Variants in IDH3B observed in about 807,000 individuals in gnomAD.
The protein encoded by IDH3B is isocitrate dehydrogenase (NAD(+)) 3 non-catalytic subunit beta, also known as isocitrate dehydrogenase [NAD] subunit beta, mitochondrial.
In IDH3B, 40 loss-of-function variants were observed where a neutral mutation model predicts 47.5. That is an observed-to-expected ratio of 0.84 (90% CI 0.65 to 1.10). The LOEUF is 1.10. Ranked by LOEUF, IDH3B falls within the 50% of genes least tolerant of loss-of-function variation. The probability of loss-of-function intolerance (pLI) is 0.00; values close to 1 mark genes in which losing one functional copy is unlikely to be tolerated. For missense variants in IDH3B, 450 were observed against 505.2 expected (o/e 0.89, Z 1.05); for synonymous variants, 185 against 191.0 (o/e 0.97, Z 0.26).
chr20:2,659,429 G>C, intron 11 of IDH3B, 96 bp downstream of exon 11: 2 of 1,520,484 alleles, frequency 1.3e-6, no homozygotes, highest in Non-Finnish European at 1.8e-6. Flanking sequence ...TGGGGGGAAA[G>C]GAGACCCCCA....
chr20:2,662,134 C>T (rs1394784625), intron 4 of IDH3B, among the ~76,000 whole-genome samples: 1 of 152,204 alleles, frequency 6.6e-6, no homozygotes, highest in Non-Finnish European at 1.5e-5. Flanking sequence ...GCCTCCAGCA[C>T]TGTGAGAGAA....
intron 11 of IDH3B, 174 bp downstream of exon 11, chr20:2,659,351 G>A: frequency 2.5e-6 from 4 of 1,575,846 alleles, no homozygotes; most frequent in Non-Finnish European, 3.4e-6. Context: ...AAACAGCCAA[G>A]AGAAGGGAGA....
Position 2,658,472 on chromosome 20 carries a change from C to T in IDH3B, c.*279G>A. On this transcript the variant is annotated 3_prime_UTR_variant, in exon 12 of 12. Coordinates refer to ENST00000380843, the MANE Select transcript of IDH3B (RefSeq NM_006899.5). ...GGTGGGGCAAGGCAGCAATGACAGC[C>T]TCAGTGAAGTCATGGCAAGTAGCAT... 6.2e-7 allele frequency: 1 copy of T among 1,614,128 alleles called. No individual in the cohort carries two copies. The highest frequency in any genetic ancestry group is 8.5e-7 in the Non-Finnish European group (1 of 1,180,022).
chr20:2,664,011 A>G lies in IDH3B; in HGVS notation c.37-6T>C. 1 of 1,614,012 alleles carries G rather than the reference A, an allele frequency of 6.2e-7. No homozygotes were observed. Among genetic ancestry groups the G allele is most frequent in the South Asian group, 1.1e-5 (1 of 91,088 alleles). On this transcript the variant is annotated splice_polypyrimidine_tract_variant and splice_region_variant and intron_variant, in intron 1 of 11. Transcript: ENST00000380843. ...TTCCCGGCGGAGACCAGCGCCTGCA[A>G]CAGGGACACACAAGCCTGTAAGGTC...
At chr20:2,658,919 T>G in intron 11 of IDH3B, 82 bp from the exon 12 acceptor site, 2 of 1,596,938 alleles carry the variant, frequency 1.3e-6, no homozygotes, top group South Asian at 2.2e-5. Context: ...ATTGAGGAAA[T>G]GGAAGCCAAG....
In IDH3B at chr20:2,663,670, T is replaced by C; in HGVS notation, c.206A>G (p.Glu69Gly). Residue 69 changes from glutamate (E) to glycine (G), a missense_variant, in exon 3 of 12, where the codon GAG (glutamate) becomes GGG (glycine). Coordinates refer to ENST00000380843, the MANE Select transcript of IDH3B (RefSeq NM_006899.5). ...CCCGAGGCCACTCACCTTGAACACCTCCTTGACGGCGTGCATCAGCTCAGG... is the reference window on the plus strand; with the variant it reads ...CCCGAGGCCACTCACCTTGAACACCCCCTTGACGGCGTGCATCAGCTCAGG... ...VGPELMHAVK[E>G]VFKAAAVPVE... The C allele has an allele frequency of 5.0e-6, 8 of 1,614,068 alleles. No individual in the cohort carries two copies. The highest frequency in any genetic ancestry group is 6.8e-6 in the Non-Finnish European group (8 of 1,180,008).
chr20:2,662,076 C>T (rs1302242940), intron 4 of IDH3B, among the ~76,000 whole-genome samples: 1 of 152,196 alleles, frequency 6.6e-6, no homozygotes, highest in African/African-American at 2.4e-5. Flanking sequence ...CTCCCCTAAA[C>T]CTTCAGAGGG....
rs1216846445 is a variant in IDH3B, at chr20:2,663,439, C to T, written c.337+7G>A. On this transcript the variant is annotated splice_region_variant and intron_variant, in intron 4 of 11. Coordinates refer to ENST00000380843, the MANE Select transcript of IDH3B (RefSeq NM_006899.5). ...CACATGGACAAGTGGCAAGAGGGCA[C>T]ACATACCAATGATGGCCACTTTGTT... 1 of 1,614,180 alleles carries T rather than the reference C, an allele frequency of 6.2e-7. No homozygotes were observed. The highest frequency in any genetic ancestry group is 8.5e-7 in the Non-Finnish European group (1 of 1,180,018).
At position 2,660,934 on chromosome 20, in the gene IDH3B, G is replaced by C; in HGVS notation, c.373C>G (p.Leu125Val). 6.2e-7 allele frequency: 1 copy of C among 1,614,084 alleles called. No homozygotes were observed. Among genetic ancestry groups the C allele is most frequent in the Non-Finnish European group, 8.5e-7 (1 of 1,179,988 alleles). The change falls in exon 5 of 12, where the codon CTA (leucine) becomes GTA (valine). Residue 125 changes from leucine to valine, a missense_variant. Leu to Val is a conservative substitution (Grantham distance 32). Coordinates refer to ENST00000380843, the MANE Select transcript of IDH3B (RefSeq NM_006899.5). The surrounding 1 kb of genome is among the most constrained non-coding windows in gnomAD (Gnocchi z 5.6). ...IHTPMEYKGE[L>V]ASYDMRLRRK... ...CTCAGCCGCATATCATAGGAGGCTA[G>C]CTCCCCCTTATACTCCATCGGGGTA...
At position 2,663,753 on chromosome 20, in the gene IDH3B, C is replaced by G; in HGVS notation, c.123G>C (p.Glu41Asp). The change falls in exon 3 of 12, where the codon GAG (glutamate) becomes GAC (aspartate). Residue 41 changes from glutamate (E) to aspartate (D), a missense_variant. By Grantham distance (45) the Glu-to-Asp change is conservative. Coordinates refer to ENST00000380843, the MANE Select transcript of IDH3B (RefSeq NM_006899.5). ...AAHAASRSQA[E>D]DVRVEGSFPV... is the part of the protein sequence containing the mutation. ...GAAAGGAGCCCTCCACCCTCACGTC[C>G]TCGGCCTCAATTGGGGGAAGAGGGG... 6.2e-7 allele frequency: 1 copy of G among 1,614,140 alleles called. No individual in the cohort carries two copies. Among genetic ancestry groups the G allele is most frequent in the African/African-American group, 1.3e-5 (1 of 75,036 alleles).
At chr20:2,661,082 T>G in intron 4 of IDH3B, 113 bp from the exon 5 acceptor site, 1 of 854,374 alleles carries the variant, frequency 1.2e-6, no homozygotes, top group Non-Finnish European at 2.0e-6. Context: ...CCATCTCCCA[T>G]TCCCACATCA....
At position 2,658,841 on chromosome 20, in the gene IDH3B, C is replaced by G. The variant is rs556473702; in HGVS notation, c.1072-4G>C. ...CGCCCATGTCTCGAGTCCGCACCTACAGCCACCACCGGCAACAGCCGTGGG... is the reference window on the plus strand; with the variant it reads ...CGCCCATGTCTCGAGTCCGCACCTAGAGCCACCACCGGCAACAGCCGTGGG... On this transcript the variant is annotated splice_polypyrimidine_tract_variant and splice_region_variant and intron_variant, in intron 11 of 11. Transcript: ENST00000380843. 6 of 1,613,964 alleles carry G rather than the reference C, an allele frequency of 3.7e-6. No homozygotes were observed. The South Asian group carries it at 4.4e-5, about 12-fold the overall frequency.
rs1427841694 is a variant in IDH3B, at chr20:2,663,955, C to T, written c.87G>A (p.Ser29=). The change falls in exon 2 of 12, where the codon TCG becomes TCA. Residue 29 remains serine, a synonymous_variant. Transcript: ENST00000380843. ...NPGAWRGLST[S]AAAHAASRSQ... ...TCCGCGATGCAGCGTGCGCCGCGGCCGAGGTACTCAGACCTCTCCATGCCC... is the reference window on the plus strand; with the variant it reads ...TCCGCGATGCAGCGTGCGCCGCGGCTGAGGTACTCAGACCTCTCCATGCCC... 8 of 1,613,980 alleles carry T rather than the reference C, an allele frequency of 5.0e-6. No individual in the cohort carries two copies. The highest frequency in any genetic ancestry group is 4.0e-5 in the African/African-American group (3 of 74,908).
At position 2,659,546 on chromosome 20, in the gene IDH3B, C is replaced by T. The variant is rs2086897424; in HGVS notation, c.1050G>A (p.Lys350=). 1 of 1,614,138 alleles carries T rather than the reference C, an allele frequency of 6.2e-7. No individual in the cohort carries two copies. The highest frequency in any genetic ancestry group is 1.7e-5 in the Admixed American group (1 of 60,016). ...TCACCTTGCCAACTTTGATCACCTT[C>T]TTCACCGCATCTGCGATCATGCTGG... ...YHSSMIADAV[K]KVIKVGKVRT... The change falls in exon 11 of 12, where the codon AAG becomes AAA. Residue 350 remains lysine (K), a synonymous_variant. Coordinates refer to ENST00000380843, the MANE Select transcript of IDH3B (RefSeq NM_006899.5).
Position 2,660,008 on chromosome 20 carries a change from C to A in IDH3B, c.915+22G>T. On this transcript the variant is annotated intron_variant, in intron 9 of 11. Coordinates refer to ENST00000380843, the MANE Select transcript of IDH3B (RefSeq NM_006899.5). The surrounding 1 kb of genome is among the most constrained non-coding windows in gnomAD (Gnocchi z 5.6). ...GGCGGACTTGAGGTCAGAGGAAGGGCCGAGGGAGAAAGCAGCCTCACCGTC... is the reference window on the plus strand; with the variant it reads ...GGCGGACTTGAGGTCAGAGGAAGGGACGAGGGAGAAAGCAGCCTCACCGTC... 6.2e-7 allele frequency: 1 copy of A among 1,613,906 alleles called. No homozygotes were observed.
In IDH3B at chr20:2,660,926, G is replaced by A; in HGVS notation, c.381C>T (p.Ser127=). 1 of 1,614,080 alleles carries A rather than the reference G, an allele frequency of 6.2e-7. No homozygotes were observed. Among genetic ancestry groups the A allele is most frequent in the Non-Finnish European group, 8.5e-7 (1 of 1,179,990 alleles). ...CCACCTACCTCAGCCGCATATCATAGGAGGCTAGCTCCCCCTTATACTCCA... is the reference window on the plus strand; with the variant it reads ...CCACCTACCTCAGCCGCATATCATAAGAGGCTAGCTCCCCCTTATACTCCA... The part of the protein sequence containing the change: ...TPMEYKGELA[S]YDMRLRRKLD... Residue 127 remains serine, a synonymous_variant, in exon 5 of 12, where the codon TCC becomes TCT. Coordinates refer to ENST00000380843, the MANE Select transcript of IDH3B (RefSeq NM_006899.5). This position sits in a 1 kb window ranked among gnomAD's most constrained non-coding sequence, Gnocchi z 5.6.
Position 2,660,517 on chromosome 20 carries a change from A to G in IDH3B, c.605T>C (p.Phe202Ser), listed in dbSNP as rs1390023518. ...CCGCCCCTTCTTGGTGGCATAGTCAAAGGCGAACTTTGCAATCCGCTGAGA... is the reference window on the plus strand; with the variant it reads ...CCGCCCCTTCTTGGTGGCATAGTCAGAGGCGAACTTTGCAATCCGCTGAGA... Reference protein sequence around the residue: ...AKSQRIAKFAFDYATKKGRGK... With the variant: ...AKSQRIAKFASDYATKKGRGK... Residue 202 changes from phenylalanine to serine, a missense_variant, in exon 7 of 12, where the codon TTT becomes TCT. Physicochemically the swap from Phe to Ser is radical, Grantham distance 155. Coordinates refer to ENST00000380843, the MANE Select transcript of IDH3B (RefSeq NM_006899.5). This position sits in a 1 kb window ranked among gnomAD's most constrained non-coding sequence, Gnocchi z 5.6. The G allele has an allele frequency of 6.2e-7, 1 of 1,614,146 alleles. No individual in the cohort carries two copies. Among genetic ancestry groups the G allele is most frequent in the Non-Finnish European group, 8.5e-7 (1 of 1,180,020 alleles).
Position 2,663,997 on chromosome 20 carries a change from G to A in IDH3B, c.45C>T (p.Val15=), listed in dbSNP as rs972207839. Residue 15 remains valine (V), a synonymous_variant, in exon 2 of 12, where the codon GTC becomes GTT. Coordinates refer to ENST00000380843, the MANE Select transcript of IDH3B (RefSeq NM_006899.5). ...TCCATGCCCCAGGGTTCCCGGCGGA[G>A]ACCAGCGCCTGCAACAGGGACACAC... is the stretch of plus-strand genomic sequence containing the variant. ...SGVRWLTRAL[V]SAGNPGAWRG... 2 of 1,614,036 alleles carry A rather than the reference G, an allele frequency of 1.2e-6. No individual in the cohort carries two copies. Among genetic ancestry groups the A allele is most frequent in the Admixed American group, 1.7e-5 (1 of 60,010 alleles).
intron 4 of IDH3B, 92 bp downstream of exon 4, chr20:2,663,354 A>G: frequency 6.9e-7 from 1 of 1,457,934 alleles, no homozygotes; most frequent in Non-Finnish European, 9.6e-7. Flanking sequence ...GAGTTAATAT[A>G]ATTGCATAGC....
Sources: gnomAD v4.1 joint callset for allele counts (sites outside exome capture counted in the v4.1 genomes callset) on GRCh38, gnomAD v4.1.1 for gene constraint, Gnocchi (gnomAD v3.1) non-coding constraint, MANE v1.5 for transcripts, NCBI Gene and HGNC (gene_info 2026-07-23, HGNC 2026-07-21) for gene names.